The following MTUS2 variants were observed in gnomAD, a reference collection of about 807,000 sequenced individuals.
MTUS2 encodes microtubule-associated tumor suppressor candidate 2.
In MTUS2, 40 loss-of-function variants were observed where a neutral mutation model predicts 114.1. The ratio of observed to expected loss-of-function variants is 0.35; its 90% confidence interval spans 0.27 to 0.46. The LOEUF (loss-of-function observed/expected upper bound fraction) is 0.46. MTUS2 is among the 20% of genes least tolerant of loss of function. The probability of loss-of-function intolerance (pLI) is 1.00; values close to 1 mark genes in which losing one functional copy is unlikely to be tolerated. For missense variants in MTUS2, 1,679 were observed against 1,705.4 expected, an observed-to-expected ratio of 0.98 and a Z score of 0.27; for synonymous variants, 688 against 672.0, an observed-to-expected ratio of 1.02 and a Z score of -0.37.
intron 8 of MTUS2, among the ~76,000 whole-genome samples, chr13:29,379,896 T>G (rs897210505): frequency 7.2e-5 from 11 of 152,202 alleles, no homozygotes; most frequent in African/African-American, 2.7e-4. Flanking sequence ...AATTGTACTT[T>G]TGAAGTTATG....
At chr13:28,823,957 T>C (rs1190187699) in intron 1 of MTUS2, among the ~76,000 whole-genome samples, 1 of 152,126 alleles carries the variant, frequency 6.6e-6, no homozygotes, top group Non-Finnish European at 1.5e-5. Flanking sequence ...GAGAACAACA[T>C]GAGGGTAGTT....
At chr13:29,331,581 C>A (rs1270612172) in intron 7 of MTUS2, among the ~76,000 whole-genome samples, 3 of 151,640 alleles carry the variant, frequency 2.0e-5, no homozygotes, top group African/African-American at 7.3e-5. Context: ...GCTACAGTAA[C>A]CTTCCAATAC....
chr13:28,876,382 G>A (rs533280440), intron 2 of MTUS2, among the ~76,000 whole-genome samples: 2 of 152,270 alleles, frequency 1.3e-5, no homozygotes, highest in African/African-American at 4.8e-5. Context: ...CATAAATATG[G>A]ACACTGAGCA....
In MTUS2 at chr13:28,828,870, T is replaced by C. The variant is rs372308084; in HGVS notation, c.-316+8259T>C. Among the ~76,000 whole-genome samples the C allele has an allele frequency of 1.2e-4, 18 of 152,368 alleles. No homozygotes were observed. In the East Asian group the frequency reaches 3.1e-3, roughly 26 times the overall value. ...TTGTGTCAGGCTCCAGTTTGGTTTG[T>C]AATAGCACTGTTACTGATCCTATCT... On this transcript the variant is annotated intron_variant, in intron 1 of 15. Coordinates refer to ENST00000612955, the MANE Select transcript of MTUS2 (RefSeq NM_001033602.4).
intron 4 of MTUS2, among the ~76,000 whole-genome samples, chr13:29,086,335 A>T (rs1236676488): frequency 5.3e-5 from 8 of 152,146 alleles, no homozygotes; most frequent in Non-Finnish European, 1.5e-5. Flanking sequence ...TGGAGACTTT[A>T]TCATGAAATC....
At chr13:28,944,561 T>C (rs1882418369) in intron 2 of MTUS2, among the ~76,000 whole-genome samples, 1 of 152,236 alleles carries the variant, frequency 6.6e-6, no homozygotes, top group African/African-American at 2.4e-5. Context: ...ACTTCTGAGT[T>C]ATTAGTTGTA....
chr13:29,273,076 C>G (rs768555993), intron 5 of MTUS2, among the ~76,000 whole-genome samples: 1 of 152,218 alleles, frequency 6.6e-6, no homozygotes, highest in African/African-American at 2.4e-5. Context: ...ATAGCCCAAT[C>G]ACCTTTAAGC....
At chr13:29,481,026 G>T (rs1363388498) in intron 10 of MTUS2, among the ~76,000 whole-genome samples, 1 of 152,142 alleles carries the variant, frequency 6.6e-6, no homozygotes, top group African/African-American at 2.4e-5. Context: ...AAAAGCCAGG[G>T]TTCAGCCAGT....
At position 29,394,483 on chromosome 13, in the gene MTUS2, A is replaced by T. The variant is rs545547249; in HGVS notation, c.3117+35010A>T. Among the ~76,000 whole-genome samples the T allele has an allele frequency of 1.1e-4, 17 of 152,352 alleles. No homozygotes were observed. The South Asian group carries it at 3.3e-3, about 30-fold the overall frequency. The stretch of plus-strand genomic sequence containing the variant: ...TGGGTTAAGGTAAGGGGTTGTGGCA[A>T]CTACAGTCCTTATTATGCAGGTGAA... On this transcript the variant is annotated intron_variant, in intron 8 of 15. Coordinates refer to ENST00000612955, the MANE Select transcript of MTUS2 (RefSeq NM_001033602.4).
intron 7 of MTUS2, among the ~76,000 whole-genome samples, chr13:29,337,488 C>A (rs1901127778): frequency 6.6e-6 from 1 of 152,240 alleles, no homozygotes; most frequent in Non-Finnish European, 1.5e-5. Context: ...ACTGTCTAAC[C>A]AGTCCCAATG....
Position 29,361,853 on chromosome 13 carries a change from A to G in MTUS2, c.3117+2380A>G, listed in dbSNP as rs117644967. Among the ~76,000 whole-genome samples, 4 of 152,314 alleles carry G rather than the reference A, an allele frequency of 2.6e-5. No homozygotes were observed. In the East Asian group the frequency reaches 7.7e-4, roughly 29 times the overall value. On this transcript the variant is annotated intron_variant, in intron 8 of 15. Transcript: ENST00000612955. Reference sequence around the variant, plus strand: ...GGCCCTGCCAGAATTCCATCCTGTAAGGAATGCACGTGTATCTTTTGTACA... The same window carrying G: ...GGCCCTGCCAGAATTCCATCCTGTAGGGAATGCACGTGTATCTTTTGTACA...
intron 8 of MTUS2, among the ~76,000 whole-genome samples, chr13:29,377,407 T>C (rs980542726): frequency 6.6e-6 from 1 of 152,184 alleles, no homozygotes; most frequent in African/African-American, 2.4e-5. Flanking sequence ...TCTGACATAC[T>C]TTGTTGTACA....
intron 2 of MTUS2, among the ~76,000 whole-genome samples, chr13:28,872,313 G>C (rs1877665690): frequency 6.6e-6 from 1 of 152,082 alleles, no homozygotes; most frequent in Non-Finnish European, 1.5e-5. Context: ...TTTTTGTCCT[G>C]AGCATTTGAG....
intron 2 of MTUS2, among the ~76,000 whole-genome samples, chr13:28,993,313 C>T (rs925205244): frequency 3.9e-5 from 6 of 152,076 alleles, no homozygotes; most frequent in African/African-American, 7.2e-5. Flanking sequence ...GAGGAATTGC[C>T]GTACTGTTTT....
At chr13:29,304,528 T>TA (rs916874085) in intron 6 of MTUS2, among the ~76,000 whole-genome samples, 4 of 151,874 alleles carry the variant, frequency 2.6e-5, no homozygotes, top group African/African-American at 7.2e-5. Context: ...CCAACAAAGA[T>TA]AAAAAAAGAT....
chr13:28,927,891 C>A (rs1881407529), intron 2 of MTUS2, among the ~76,000 whole-genome samples: 1 of 152,164 alleles, frequency 6.6e-6, no homozygotes, highest in Non-Finnish European at 1.5e-5. Flanking sequence ...GTAACCAAAT[C>A]AGCATGGTAC....
intron 4 of MTUS2, among the ~76,000 whole-genome samples, chr13:29,095,158 A>G (rs1890125149): frequency 1.3e-5 from 2 of 152,046 alleles, no homozygotes; most frequent in South Asian, 4.1e-4. Context: ...GGAATGTTTT[A>G]TAGAGGTCTG....
At chr13:29,324,787 G>A in intron 7 of MTUS2, 76 bp downstream of exon 7, 1 of 1,102,104 alleles carries the variant, frequency 9.1e-7, no homozygotes, top group Non-Finnish European at 1.3e-6. Flanking sequence ...TGTCATTAAT[G>A]GAGCAATGCC....
At chr13:28,912,279 A>G (rs1358568008) in intron 2 of MTUS2, among the ~76,000 whole-genome samples, 1 of 152,184 alleles carries the variant, frequency 6.6e-6, no homozygotes, top group African/African-American at 2.4e-5. Flanking sequence ...CCCTTTCCCC[A>G]TTACTTGTTT....
Sources: allele counts gnomAD v4.1 joint callset (sites outside exome capture counted in the v4.1 genomes callset), GRCh38; gene constraint gnomAD v4.1.1; transcripts MANE v1.5; gene names NCBI Gene and HGNC (gene_info 2026-07-23, HGNC 2026-07-21).